Variants in UPP2 observed in about 807,000 individuals in gnomAD.
UPP2 encodes the protein UPase 2.
UPP2 carries 23 observed loss-of-function variants against 26.7 expected under a neutral mutation model. The observed-to-expected ratio is 0.86, with a 90% CI of 0.62 to 1.22. The LOEUF is 1.22. Among genes scored for constraint, UPP2 ranks in the 50% most tolerant of loss-of-function variants. UPP2 has a pLI of 0.00. For missense variants in UPP2, 387 were observed against 396.7 expected (o/e 0.98, Z 0.21); for synonymous variants, 127 against 141.3 (o/e 0.90, Z 0.72).
chr2:158,071,019 T>C (rs1250640070), intron 3 of UPP2, among the ~76,000 whole-genome samples: 3 of 152,078 alleles, frequency 2.0e-5, no homozygotes, highest in South Asian at 2.1e-4. Flanking sequence ...ATCCCAGTGG[T>C]TGGGACTTGA....
intron 3 of UPP2, among the ~76,000 whole-genome samples, chr2:158,072,517 T>C (rs1353859170): frequency 6.6e-6 from 1 of 151,930 alleles, no homozygotes; most frequent in Non-Finnish European, 1.5e-5. Context: ...ACAGTGGGCC[T>C]TAGGCAATAC....
intron 3 of UPP2, among the ~76,000 whole-genome samples, chr2:158,093,427 T>C (rs748650967): frequency 6.6e-6 from 1 of 152,162 alleles, no homozygotes; most frequent in African/African-American, 2.4e-5. Context: ...GTTTACCTGA[T>C]ACACTCCTAA....
chr2:158,012,483 G>C (rs1169936903), intron 2 of UPP2, among the ~76,000 whole-genome samples: 1 of 151,782 alleles, frequency 6.6e-6, no homozygotes, highest in Non-Finnish European at 1.5e-5. Flanking sequence ...GGCCAGGCTG[G>C]TCTCAAACTC....
At chr2:158,098,342 T>G (rs1683019093), upstream of UPP2, among the ~76,000 whole-genome samples, 1 of 152,104 alleles carries the variant, frequency 6.6e-6, no homozygotes, top group African/African-American at 2.4e-5. Flanking sequence ...GAGGCCTGCA[T>G]CCTTCGAGGC....
Position 158,112,518 on chromosome 2 carries a change from A to G in UPP2, c.181-2583A>G, listed in dbSNP as rs183335914. Among the ~76,000 whole-genome samples, 378 of 152,284 alleles carry G rather than the reference A, an allele frequency of 2.5e-3. 1 individual carries two copies. Among genetic ancestry groups the G allele is most frequent in the African/African-American group, 8.4e-3 (351 of 41,570 alleles). ...TAAAATGTTAGAAGAAAACATAGACATAAATCTTTGTGACCTTGGATTAGG... is the reference window on the plus strand; with the variant it reads ...TAAAATGTTAGAAGAAAACATAGACGTAAATCTTTGTGACCTTGGATTAGG... On this transcript the variant is annotated intron_variant, in intron 2 of 6. Coordinates refer to ENST00000005756, the MANE Select transcript of UPP2 (RefSeq NM_173355.4).
At chr2:158,002,374 C>G (rs928044179) in intron 2 of UPP2, among the ~76,000 whole-genome samples, 1 of 152,218 alleles carries the variant, frequency 6.6e-6, no homozygotes, top group African/African-American at 2.4e-5. Flanking sequence ...AGGGGCCGAG[C>G]AGCTACCCAT....
intron 3 of UPP2, among the ~76,000 whole-genome samples, chr2:158,074,816 G>A (rs901572662): frequency 1.3e-5 from 2 of 150,128 alleles, no homozygotes; most frequent in Non-Finnish European, 3.0e-5. Context: ...GAAAAGACAG[G>A]GTGACTGAGA....
chr2:158,105,022 G>C (rs1451203251), intron 1 of UPP2, among the ~76,000 whole-genome samples: 1 of 77,878 alleles, frequency 1.3e-5, no homozygotes, highest in Non-Finnish European at 2.5e-5. Context: ...GAGGGGAGGG[G>C]AGGGGAGGGG....
intron 1 of UPP2, among the ~76,000 whole-genome samples, chr2:158,105,861 G>T (rs1683181239): frequency 6.6e-6 from 1 of 152,194 alleles, no homozygotes. Context: ...CAGCTAAGAG[G>T]GCAGTTATGG....
Position 158,124,463 on chromosome 2 carries a change from C to A in UPP2, c.811+568C>A, listed in dbSNP as rs982340665. ...CAGATTGTGTAGGACACTGTGAGAA[C>A]AATGACTTTCACTCTGGGTGAAATG... On this transcript the variant is annotated intron_variant, in intron 6 of 6. Transcript: ENST00000005756. 2.6e-5 allele frequency among the ~76,000 whole-genome samples: 4 copies of A among 152,234 alleles called. 1 individual carries two copies. Among genetic ancestry groups the A allele is most frequent in the Middle Eastern group, 6.8e-3 (2 of 294 alleles).
intron 2 of UPP2, among the ~76,000 whole-genome samples, chr2:158,011,001 A>G (rs1192694661): frequency 6.6e-6 from 1 of 151,952 alleles, no homozygotes; most frequent in Non-Finnish European, 1.5e-5. Context: ...CCTGACTCAA[A>G]TGATCCACCC....
chr2:158,113,429 T>C (rs80020481), intron 2 of UPP2, among the ~76,000 whole-genome samples: 12,600 of 152,198 alleles, frequency 0.083, 613 homozygotes, highest in African/African-American at 0.13. Context: ...GAAACCATGG[T>C]CTTAACCTCT....
rs57028617 is a variant in UPP2, at chr2:158,093,271, T to TACACACACACACAC, written c.148-8747_148-8734dup. 5.5e-3 allele frequency among the ~76,000 whole-genome samples: 753 copies of TACACACACACACAC among 137,488 alleles called. 8 individuals carry two copies. Among genetic ancestry groups the TACACACACACACAC allele is most frequent in the African/African-American group, 0.017 (610 of 36,850 alleles). The allele number at this position is 137,488 out of a possible 152,430, so 90.2% of individuals were successfully genotyped here. A position where few individuals can be genotyped will look rare whatever the true frequency, so the allele number is the denominator to read the frequency against. ...TGTAGGAAGGCGGTAAAAAGAAACA[T>TACACACACACACAC]ACACACACACACACACACACACACA... On this transcript the variant is annotated intron_variant, in intron 3 of 9. Coordinates refer to the UPP2 transcript ENST00000605860.
At position 158,135,551 on chromosome 2, in the gene UPP2, C is replaced by T. The variant is rs1484337546; in HGVS notation, c.*661C>T. 2 of 152,162 alleles carry T rather than the reference C, an allele frequency of 1.3e-5. No homozygotes were observed. The highest frequency in any genetic ancestry group is 2.4e-5 in the African/African-American group (1 of 41,446). The allele number at this position is 152,162 out of a possible 1,614,324, so 9.4% of individuals were successfully genotyped here. A position where few individuals can be genotyped will look rare whatever the true frequency, so the allele number is the denominator to read the frequency against. On this transcript the variant is annotated 3_prime_UTR_variant, in exon 7 of 7. Coordinates refer to ENST00000005756, the MANE Select transcript of UPP2 (RefSeq NM_173355.4). The stretch of plus-strand genomic sequence containing the variant: ...AATGCAAAGAAAGGCCTTCCTTTTT[C>T]TTCAGAATCACAAGTGACTAAATTG...
intron 3 of UPP2, among the ~76,000 whole-genome samples, chr2:158,016,319 G>A (rs1209491855): frequency 1.3e-5 from 2 of 151,454 alleles, no homozygotes; most frequent in South Asian, 2.1e-4. Flanking sequence ...ACTTATATTA[G>A]CAAAAAAAAT....
intron 6 of UPP2, among the ~76,000 whole-genome samples, chr2:158,131,900 T>C (rs1683826862): frequency 6.6e-6 from 1 of 152,256 alleles, no homozygotes; most frequent in African/African-American, 2.4e-5. Flanking sequence ...GAGATTGCTA[T>C]AACCTGTTCT....
chr2:158,104,941 G>A (rs1042019141), intron 1 of UPP2, among the ~76,000 whole-genome samples: 1 of 52,276 alleles, frequency 1.9e-5, no homozygotes, highest in Non-Finnish European at 3.3e-5. Context: ...GGAAGGGAAG[G>A]GAAGGGAAGG....
chr2:158,066,547 T>C (rs536255863), intron 3 of UPP2, among the ~76,000 whole-genome samples: 71 of 152,274 alleles, frequency 4.7e-4, no homozygotes, highest in African/African-American at 1.7e-3. Context: ...AAGTAGGGCC[T>C]ACATAGTGAT....
chr2:158,122,942 G>A (rs200486459), intron 5 of UPP2, among the ~76,000 whole-genome samples: 18 of 152,234 alleles, frequency 1.2e-4, no homozygotes, highest in Middle Eastern at 3.4e-3. Flanking sequence ...TGAAAGTAGC[G>A]TGAAAGAGAT....
Sources: gnomAD v4.1 joint callset for allele counts (sites outside exome capture counted in the v4.1 genomes callset) on GRCh38, gnomAD v4.1.1 for gene constraint, MANE v1.5 for transcripts, NCBI Gene and HGNC (gene_info 2026-07-23, HGNC 2026-07-21) for gene names.